Variants in SLC25A33 observed in about 807,000 individuals in gnomAD.
SLC25A33 encodes solute carrier family 25 member 33.
A neutral mutation model predicts 35.5 loss-of-function variants in SLC25A33; 15 were observed. That is an observed-to-expected ratio of 0.42 (90% CI 0.28 to 0.65). The LOEUF (loss-of-function observed/expected upper bound fraction) is 0.65. Among genes scored for constraint, SLC25A33 ranks in the 30% least tolerant of loss-of-function variants. SLC25A33 has a pLI of 0.20. For synonymous variants in SLC25A33, 136 were observed against 148.7 expected, an observed-to-expected ratio of 0.91 and a Z score of 0.62; for missense variants, 257 against 398.5, an observed-to-expected ratio of 0.64 and a Z score of 3.02.
In SLC25A33 at chr1:9,551,986, T is replaced by C. The variant is rs181338309; in HGVS notation, c.57-1640T>C. 6.1e-3 allele frequency among the ~76,000 whole-genome samples: 936 copies of C among 152,266 alleles called. 18 individuals carry two copies. Among genetic ancestry groups the C allele is most frequent in the Non-Finnish European group, 4.0e-3 (274 of 68,024 alleles). ...GAACATGTTATTTCATTGGTAGAAT[T>C]GTTTAAGAGATGATGGAAGTAGGTA... On this transcript the variant is annotated intron_variant, in intron 1 of 6. Coordinates refer to ENST00000302692, the MANE Select transcript of SLC25A33 (RefSeq NM_032315.3).
chr1:9,554,844 A>G (rs1643317811), intron 2 of SLC25A33, among the ~76,000 whole-genome samples: 1 of 152,190 alleles, frequency 6.6e-6, no homozygotes, highest in African/African-American at 2.4e-5. Flanking sequence ...TTATCAGTCT[A>G]TGCATAAGGT....
Position 9,554,165 on chromosome 1 carries a change from ATATTT to A in SLC25A33, c.236+376_236+380del, listed in dbSNP as rs557108099. 3.2e-3 allele frequency among the ~76,000 whole-genome samples: 494 copies of A among 152,318 alleles called. 3 individuals carry two copies. The highest frequency in any genetic ancestry group is 0.011 in the African/African-American group (453 of 41,576). ...AAATTGCACAACAGAAGAGTTGTGA[ATATTT>A]TATTTTATTTTATTTATTTACTTTT... On this transcript the variant is annotated intron_variant, in intron 2 of 6. Coordinates refer to ENST00000302692, the MANE Select transcript of SLC25A33 (RefSeq NM_032315.3).
chr1:9,546,174 A>ATTT (rs746460317), intron 1 of SLC25A33, among the ~76,000 whole-genome samples: 18 of 100,520 alleles, frequency 1.8e-4, no homozygotes, highest in African/African-American at 3.7e-4. Flanking sequence ...ACACAGAGAA[A>ATTT]TTTTTTTTTT....
intron 2 of SLC25A33, among the ~76,000 whole-genome samples, chr1:9,565,891 CAAAGA>C (rs1028791611): frequency 6.7e-6 from 1 of 149,212 alleles, no homozygotes; most frequent in Non-Finnish European, 1.5e-5. Flanking sequence ...AAAAAAAAAA[CAAAGA>C]AAAGAAAATG....
intron 1 of SLC25A33, among the ~76,000 whole-genome samples, chr1:9,540,465 A>C (rs143763239): frequency 7.8e-4 from 118 of 152,098 alleles, no homozygotes; most frequent in African/African-American, 2.7e-3. Flanking sequence ...GAGACAATGC[A>C]TTTTTAGGAG....
At chr1:9,572,394 G>A (rs1282853007) in intron 4 of SLC25A33, among the ~76,000 whole-genome samples, 1 of 151,870 alleles carries the variant, frequency 6.6e-6, no homozygotes, top group East Asian at 1.9e-4. Flanking sequence ...AGCGGATCAC[G>A]AGGTCAGGAG....
chr1:9,566,540 C>T (rs1643508241), intron 2 of SLC25A33, among the ~76,000 whole-genome samples: 2 of 152,168 alleles, frequency 1.3e-5, no homozygotes, highest in African/African-American at 2.4e-5. Context: ...ATAGTACAGA[C>T]TCTGCACAGC....
chr1:9,564,737 AAAATAT>A (rs1310953146), intron 2 of SLC25A33, among the ~76,000 whole-genome samples: 4 of 72,760 alleles, frequency 5.5e-5, no homozygotes, highest in East Asian at 1.6e-3. Context: ...AAAAAAAAAA[AAAATAT>A]ATATATATAT....
intron 2 of SLC25A33, among the ~76,000 whole-genome samples, chr1:9,559,741 A>G (rs1643394521): frequency 6.6e-6 from 1 of 152,292 alleles, no homozygotes. Flanking sequence ...GGCTGCTACC[A>G]TGTGGGTTGA....
rs1307452084 is a variant in SLC25A33 at position 9,583,144 on chromosome 1, G to A, written c.*643G>A. ...AGGCAGGAGAATCACTTGAAACCCA[G>A]GGGGCAGAGGTTGCAGCGAGCTGAG... is the stretch of plus-strand genomic sequence containing the variant. On this transcript the variant is annotated 3_prime_UTR_variant, in exon 7 of 7. Transcript: ENST00000302692. 1 of 152,158 alleles carries A rather than the reference G, an allele frequency of 6.6e-6. No homozygotes were observed. Among genetic ancestry groups the A allele is most frequent in the Non-Finnish European group, 1.5e-5 (1 of 68,062 alleles). The allele number at this position is 152,158 out of a possible 1,614,324, so 9.4% of individuals were successfully genotyped here. A position where few individuals can be genotyped will look rare whatever the true frequency, so the allele number is the denominator to read the frequency against.
chr1:9,560,799 A>T (rs1302697268), intron 2 of SLC25A33, among the ~76,000 whole-genome samples: 1 of 152,134 alleles, frequency 6.6e-6, no homozygotes. Flanking sequence ...CAAAAAGGCA[A>T]TATGTTAACA....
chr1:9,577,370 C>A (rs1643675522), intron 5 of SLC25A33, among the ~76,000 whole-genome samples: 1 of 151,926 alleles, frequency 6.6e-6, no homozygotes, highest in Admixed American at 6.6e-5. Flanking sequence ...GCCTGTAATC[C>A]CAGGGAGGCT....
At chr1:9,547,216 G>C (rs1643186654) in intron 1 of SLC25A33, among the ~76,000 whole-genome samples, 1 of 152,184 alleles carries the variant, frequency 6.6e-6, no homozygotes, top group African/African-American at 2.4e-5. Flanking sequence ...CACTTTGGGA[G>C]GCCAAGGTGG....
intron 2 of SLC25A33, among the ~76,000 whole-genome samples, chr1:9,559,903 T>C (rs1256100237): frequency 6.6e-6 from 1 of 152,228 alleles, no homozygotes; most frequent in Non-Finnish European, 1.5e-5. Flanking sequence ...TTGTCTTATC[T>C]ACAAAGCCCG....
chr1:9,567,753 C>T (rs1203694212), intron 3 of SLC25A33, among the ~76,000 whole-genome samples: 2 of 152,158 alleles, frequency 1.3e-5, no homozygotes, highest in East Asian at 3.8e-4. Flanking sequence ...CAGGTGACTC[C>T]AACGCAGTTA....
chr1:9,541,774 C>T (rs896808873), intron 1 of SLC25A33, among the ~76,000 whole-genome samples: 5 of 146,508 alleles, frequency 3.4e-5, no homozygotes, highest in African/African-American at 1.3e-4. Flanking sequence ...GTGATTTTGA[C>T]TTACTGTTTT....
intron 2 of SLC25A33, among the ~76,000 whole-genome samples, chr1:9,554,882 G>A (rs1643318197): frequency 6.6e-6 from 1 of 152,084 alleles, no homozygotes; most frequent in African/African-American, 2.4e-5. Context: ...AGAACTGATT[G>A]AATATCTGAT....
chr1:9,552,606 G>A (rs749380867), intron 1 of SLC25A33, among the ~76,000 whole-genome samples: 10 of 152,172 alleles, frequency 6.6e-5, no homozygotes, highest in Non-Finnish European at 1.5e-5. Flanking sequence ...ATCTTCACCT[G>A]AATGAACTAT....
chr1:9,557,525 C>A (rs1039282120), intron 2 of SLC25A33, among the ~76,000 whole-genome samples: 1 of 152,046 alleles, frequency 6.6e-6, no homozygotes, highest in Non-Finnish European at 1.5e-5. Context: ...GTGGCGAAAT[C>A]CCATCTCTAC....
Sources: allele counts gnomAD v4.1 joint callset (sites outside exome capture counted in the v4.1 genomes callset), GRCh38; gene constraint gnomAD v4.1.1; transcripts MANE v1.5; gene names NCBI Gene and HGNC (gene_info 2026-07-23, HGNC 2026-07-21).